Variants in PKIB observed in about 807,000 individuals in gnomAD.
PKIB encodes cAMP-dependent protein kinase inhibitor beta, also known as PKI-beta.
A neutral mutation model predicts 4.5 loss-of-function variants in PKIB; 2 were observed. The observed-to-expected ratio is 0.44, with a 90% CI of 0.18 to 1.39. The LOEUF (loss-of-function observed/expected upper bound fraction) is 1.39, where lower values mean the gene tolerates loss of function less well. PKIB is among the 40% of genes most tolerant of loss of function. The pLI, the probability that PKIB is intolerant of heterozygous loss-of-function variation, is 0.27. For synonymous variants in PKIB, 38 were observed against 36.0 expected, an observed-to-expected ratio of 1.06 and a Z score of -0.20; for missense variants, 94 against 92.6, an observed-to-expected ratio of 1.02 and a Z score of -0.06.
At chr6:122,481,497 C>A (rs1775607456) in intron 2 of PKIB, 1 of 152,100 alleles carries the variant, frequency 6.6e-6, no homozygotes, top group Admixed American at 6.5e-5. Flanking sequence ...TTGAATGGGG[C>A]TTGTGAATTA....
chr6:122,519,131 A>C (rs903714473), intron 2 of PKIB, among the ~76,000 whole-genome samples: 1 of 152,140 alleles, frequency 6.6e-6, no homozygotes, highest in Non-Finnish European at 1.5e-5. Context: ...GTGGGTGAGC[A>C]AGCGTTACTG....
intron 2 of PKIB, among the ~76,000 whole-genome samples, chr6:122,498,513 A>C (rs949508248): frequency 2.6e-5 from 4 of 152,152 alleles, no homozygotes; most frequent in Non-Finnish European, 2.9e-5. Flanking sequence ...GGAATAAAAT[A>C]CTTTTTTGAA....
chr6:122,600,575 A>C (rs913725541), intron 3 of PKIB, among the ~76,000 whole-genome samples: 2 of 152,204 alleles, frequency 1.3e-5, no homozygotes, highest in African/African-American at 4.8e-5. Context: ...AAAAGTCATT[A>C]CCTCAGAAGA....
At chr6:122,673,172 T>TA (rs5879655) in intron 2 of PKIB, among the ~76,000 whole-genome samples, 135,546 of 151,624 alleles carry the variant, frequency 0.89, 60,598 homozygotes, top group Middle Eastern at 0.93. Context: ...TGGATTTCTG[T>TA]AAAAAAAATT....
chr6:122,619,700 T>C (rs566925107), intron 1 of PKIB, among the ~76,000 whole-genome samples: 1 of 152,194 alleles, frequency 6.6e-6, no homozygotes, highest in Admixed American at 6.5e-5. Context: ...TTACCAGTTT[T>C]GGAACATATA....
At chr6:122,569,475 G>A (rs965491134) in intron 2 of PKIB, among the ~76,000 whole-genome samples, 1 of 152,166 alleles carries the variant, frequency 6.6e-6, no homozygotes. Flanking sequence ...CTAACCAAAG[G>A]TTCTAAGTGG....
At chr6:122,555,054 C>T (rs572569674) in intron 2 of PKIB, among the ~76,000 whole-genome samples, 1 of 152,168 alleles carries the variant, frequency 6.6e-6, no homozygotes, top group African/African-American at 2.4e-5. Flanking sequence ...TTCTTTGTTC[C>T]AGTCACTGAG....
chr6:122,502,179 C>T (rs1776260208), intron 2 of PKIB, among the ~76,000 whole-genome samples: 1 of 151,922 alleles, frequency 6.6e-6, no homozygotes, highest in African/African-American at 2.4e-5. Flanking sequence ...ATTAACAAGT[C>T]TCTAGGAAGT....
intron 1 of PKIB, among the ~76,000 whole-genome samples, chr6:122,628,107 G>A (rs1775536554): frequency 6.6e-6 from 1 of 151,410 alleles, no homozygotes; most frequent in African/African-American, 2.4e-5. Flanking sequence ...CGCAATCTTG[G>A]CTCACCGCAA....
At chr6:122,535,409 T>C (rs1777375480) in intron 2 of PKIB, among the ~76,000 whole-genome samples, 2 of 152,216 alleles carry the variant, frequency 1.3e-5, no homozygotes, top group East Asian at 3.8e-4. Flanking sequence ...ATTACAATAA[T>C]TCTTTACTAT....
At chr6:122,515,856 C>T (rs377032588) in intron 2 of PKIB, among the ~76,000 whole-genome samples, 2 of 152,090 alleles carry the variant, frequency 1.3e-5, no homozygotes, top group East Asian at 3.9e-4. Context: ...GCTGGGACTA[C>T]AGGCTCGCAC....
chr6:122,679,621 T>A (rs1306931623), intron 3 of PKIB, among the ~76,000 whole-genome samples: 1 of 151,776 alleles, frequency 6.6e-6, no homozygotes, highest in Non-Finnish European at 1.5e-5. Context: ...TCATGGAGGG[T>A]GAGGGAAAAG....
At chr6:122,497,005 C>T (rs978323485) in intron 2 of PKIB, among the ~76,000 whole-genome samples, 16 of 152,116 alleles carry the variant, frequency 1.1e-4, no homozygotes, top group South Asian at 2.1e-4. Context: ...CAAAGGCAAC[C>T]GCATCAGGCT....
intron 3 of PKIB, among the ~76,000 whole-genome samples, chr6:122,591,886 G>GTTT (rs34795750): frequency 7.0e-6 from 1 of 142,728 alleles, no homozygotes; most frequent in African/African-American, 2.6e-5. Context: ...TGCCTGGCTA[G>GTTT]TTTTTTTTTT....
intron 3 of PKIB, among the ~76,000 whole-genome samples, chr6:122,713,920 T>A (rs1379375074): frequency 6.6e-6 from 1 of 152,230 alleles, no homozygotes; most frequent in East Asian, 1.9e-4. Flanking sequence ...TATTAATTTT[T>A]AAACTTGCTT....
At chr6:122,649,647 C>T (rs771050967) in intron 2 of PKIB, among the ~76,000 whole-genome samples, 7 of 152,124 alleles carry the variant, frequency 4.6e-5, no homozygotes, top group Non-Finnish European at 5.9e-5. Context: ...ACATACCCAA[C>T]GTTAAAATGC....
At chr6:122,472,706 T>G (rs1369132681) in intron 1 of PKIB, among the ~76,000 whole-genome samples, 3 of 152,210 alleles carry the variant, frequency 2.0e-5, no homozygotes, top group Non-Finnish European at 4.4e-5. Context: ...TCTGGAAGAA[T>G]GTCAGAATCC....
At chr6:122,599,685 GTA>G (rs1164907932) in intron 3 of PKIB, among the ~76,000 whole-genome samples, 1 of 152,182 alleles carries the variant, frequency 6.6e-6, no homozygotes, top group Non-Finnish European at 1.5e-5. Context: ...AAAGTATTAT[GTA>G]TATGGTCACC....
In PKIB at chr6:122,506,913, G is replaced by A. The variant is rs1293962001; in HGVS notation, c.-248+28974G>A. On this transcript the variant is annotated intron_variant, in intron 2 of 6. Transcript: ENST00000392491. ...AGACGGGGTTTCACCGTGTTAGCCA[G>A]GATGGTCTCGATCTCCTGACCTCGT... Among the ~76,000 whole-genome samples the A allele has an allele frequency of 2.6e-5, 4 of 151,680 alleles. No homozygotes were observed. The East Asian group carries it at 7.8e-4, about 29-fold the overall frequency.
Sources: gnomAD v4.1 joint callset for allele counts (sites outside exome capture counted in the v4.1 genomes callset) on GRCh38, gnomAD v4.1.1 for gene constraint, MANE v1.5 for transcripts, NCBI Gene and HGNC (gene_info 2026-07-23, HGNC 2026-07-21) for gene names.